CYP39A1: variants seen among roughly 807,000 people sequenced by gnomAD.
CYP39A1 encodes 24-hydroxycholesterol 7-alpha-hydroxylase.
A neutral mutation model predicts 58.1 loss-of-function variants in CYP39A1; 49 were observed. The ratio of observed to expected loss-of-function variants is 0.84; its 90% CI spans 0.67 to 1.07. The LOEUF (loss-of-function observed/expected upper bound fraction) is 1.07, where lower values mean the gene tolerates loss of function less well. Among genes scored for constraint, CYP39A1 ranks in the 50% least tolerant of loss-of-function variants. The probability of loss-of-function intolerance (pLI) is 0.00; values close to 1 mark genes in which losing one functional copy is unlikely to be tolerated. For missense variants in CYP39A1, 531 were observed against 539.4 expected, an observed-to-expected ratio of 0.98 and a Z score of 0.16; for synonymous variants, 209 against 187.6, an observed-to-expected ratio of 1.11 and a Z score of -0.93.
intron 11 of CYP39A1, among the ~76,000 whole-genome samples, chr6:46,551,066 A>G (rs1770370845): frequency 6.6e-6 from 1 of 152,138 alleles, no homozygotes; most frequent in Non-Finnish European, 1.5e-5. Flanking sequence ...TTAGGGGATT[A>G]AAAAAGAAAA....
chr6:46,650,512 T>TTTTTTTTTTG (rs1762618374), intron 1 of CYP39A1, among the ~76,000 whole-genome samples: 1 of 131,530 alleles, frequency 7.6e-6, no homozygotes, highest in Non-Finnish European at 1.6e-5. Context: ...TTTTTTTTTT[T>TTTTTTTTTTG]TTTTTTTAAG....
intron 6 of CYP39A1, among the ~76,000 whole-genome samples, chr6:46,629,016 G>T (rs906094522): frequency 6.6e-6 from 1 of 152,046 alleles, no homozygotes; most frequent in Non-Finnish European, 1.5e-5. Context: ...ACAGATAAGG[G>T]CACTGAGGCT....
intron 7 of CYP39A1, among the ~76,000 whole-genome samples, chr6:46,606,991 C>T (rs754589927): frequency 6.6e-6 from 1 of 152,168 alleles, no homozygotes; most frequent in Non-Finnish European, 1.5e-5. Context: ...ATTTATTCCT[C>T]ATAGATATCT....
At chr6:46,588,623 G>T (rs1273955656) in intron 8 of CYP39A1, among the ~76,000 whole-genome samples, 1 of 152,042 alleles carries the variant, frequency 6.6e-6, no homozygotes, top group Non-Finnish European at 1.5e-5. Context: ...GGCAGAGGAT[G>T]TCCTGTTCTT....
intron 2 of CYP39A1, 124 bp downstream of exon 2, chr6:46,642,039 C>A: frequency 9.2e-7 from 1 of 1,084,832 alleles, no homozygotes; most frequent in East Asian, 2.5e-5. Context: ...CTACCCATAC[C>A]TCAAGAATAA....
intron 10 of CYP39A1, among the ~76,000 whole-genome samples, chr6:46,557,642 T>TAA (rs1236468900): frequency 9.2e-6 from 1 of 108,710 alleles, no homozygotes; most frequent in South Asian, 2.8e-4. Flanking sequence ...AACTCTGTCT[T>TAA]TAAAAAAAAA....
At chr6:46,584,775 T>C (rs1772362849) in intron 10 of CYP39A1, among the ~76,000 whole-genome samples, 1 of 152,134 alleles carries the variant, frequency 6.6e-6, no homozygotes, top group Non-Finnish European at 1.5e-5. Context: ...CTCATTCTGT[T>C]GTCTCAAGCT....
chr6:46,642,952 C>T lies in CYP39A1; in HGVS notation c.178-654G>A, dbSNP rs759534663. 5.9e-5 allele frequency among the ~76,000 whole-genome samples: 9 copies of T among 152,284 alleles called. No homozygotes were observed. The South Asian group carries it at 6.2e-4, about 11-fold the overall frequency. ...CTCCATGCGTTCCCTCCTCTTAACA[C>T]GGATGGAGGTTCCTGCCCTTGTGAA... On this transcript the variant is annotated intron_variant, in intron 1 of 11. Transcript: ENST00000275016.
At chr6:46,588,269 A>G (rs984290762) in intron 8 of CYP39A1, 140 bp from the exon 9 acceptor site, 8 of 281,024 alleles carry the variant, frequency 2.8e-5, no homozygotes, top group Admixed American at 5.3e-5. Context: ...CTAATTTTTA[A>G]TATCTATATA....
Position 46,639,599 on chromosome 6 carries a change from C to T in CYP39A1, c.383G>A (p.Gly128Glu), listed in dbSNP as rs750128489. Residue 128 changes from glycine (G) to glutamate (E), a missense_variant, in exon 3 of 12, where the codon GGG becomes GAG. Transcript: ENST00000275016. ...KLYIMLKGKM[G>E]TVNLHQFTGQ... ...AGTAAACTGATGGAGATTGACAGTCCCCATTTTCCCTTTCAACATAATATA... is the reference window on the plus strand; with the variant it reads ...AGTAAACTGATGGAGATTGACAGTCTCCATTTTCCCTTTCAACATAATATA... 1.2e-6 allele frequency: 2 copies of T among 1,613,766 alleles called. No individual in the cohort carries two copies. Among genetic ancestry groups the T allele is most frequent in the Non-Finnish European group, 8.5e-7 (1 of 1,179,750 alleles).
At chr6:46,636,191 T>C (rs1437645768) in intron 5 of CYP39A1, among the ~76,000 whole-genome samples, 198 bp downstream of exon 5, 2 of 152,222 alleles carry the variant, frequency 1.3e-5, no homozygotes, top group African/African-American at 4.8e-5. Context: ...GGTTTTTTCT[T>C]ATGTGGAATA....
rs1003511808 is a variant in CYP39A1 at position 46,605,754 on chromosome 6, C to A, written c.932-9634G>T. On this transcript the variant is annotated intron_variant, in intron 7 of 11. Coordinates refer to ENST00000275016, the MANE Select transcript of CYP39A1 (RefSeq NM_016593.5). The stretch of plus-strand genomic sequence containing the variant: ...ATTTTAAAAACCAAGGTGGTTCCAG[C>A]AAGCTAGGGCCCTTCACAAATGGAC... 8.5e-5 allele frequency among the ~76,000 whole-genome samples: 13 copies of A among 152,154 alleles called. No individual in the cohort carries two copies. The East Asian group carries it at 2.5e-3, about 29-fold the overall frequency.
chr6:46,560,658 G>T (rs985875280), intron 10 of CYP39A1, among the ~76,000 whole-genome samples: 20 of 152,082 alleles, frequency 1.3e-4, no homozygotes, highest in Non-Finnish European at 2.1e-4. Context: ...GATTAGGAAG[G>T]ATTCATTCAG....
intron 10 of CYP39A1, among the ~76,000 whole-genome samples, chr6:46,567,996 TAAA>T (rs34700611): frequency 0.016 from 1,192 of 75,996 alleles, 19 homozygotes; most frequent in African/African-American, 0.098. Context: ...CATTTTTTTT[TAAA>T]AAAAAAACAG....
At chr6:46,556,884 T>G (rs541138173) in intron 10 of CYP39A1, among the ~76,000 whole-genome samples, 2 of 151,622 alleles carry the variant, frequency 1.3e-5, no homozygotes, top group South Asian at 4.2e-4. Flanking sequence ...ATGACCTCAA[T>G]CCAAGAGAAA....
chr6:46,623,328 T>C (rs1775091963), intron 7 of CYP39A1, among the ~76,000 whole-genome samples: 1 of 152,108 alleles, frequency 6.6e-6, no homozygotes, highest in Non-Finnish European at 1.5e-5. Context: ...TACTCAGGGT[T>C]CTCCAGAGAA....
Position 46,597,585 on chromosome 6 carries a change from G to T in CYP39A1, c.932-1465C>A, listed in dbSNP as rs74412574. 4.5e-4 allele frequency among the ~76,000 whole-genome samples: 69 copies of T among 152,208 alleles called. 1 individual carries two copies. In the East Asian group the frequency reaches 0.013, roughly 28 times the overall value. On this transcript the variant is annotated intron_variant, in intron 7 of 11. Transcript: ENST00000275016. ...GCAAATGGTCCAACTTCAACATAGGGAGGTGAATGGGTGGATATTTTAGGC... is the reference window on the plus strand; with the variant it reads ...GCAAATGGTCCAACTTCAACATAGGTAGGTGAATGGGTGGATATTTTAGGC...
chr6:46,581,363 T>A (rs1772123278), intron 10 of CYP39A1, among the ~76,000 whole-genome samples: 1 of 145,482 alleles, frequency 6.9e-6, no homozygotes, highest in Non-Finnish European at 1.5e-5. Context: ...TGAGCTATGA[T>A]CACGCCAGTG....
intron 10 of CYP39A1, among the ~76,000 whole-genome samples, chr6:46,581,973 G>A (rs1448572611): frequency 6.6e-6 from 1 of 152,166 alleles, no homozygotes; most frequent in Non-Finnish European, 1.5e-5. Flanking sequence ...AGTGAGAAGA[G>A]AGAAGCATGG....
Sources: allele counts gnomAD v4.1 joint callset (sites outside exome capture counted in the v4.1 genomes callset), GRCh38; gene constraint gnomAD v4.1.1; transcripts MANE v1.5; gene names NCBI Gene and HGNC (gene_info 2026-07-23, HGNC 2026-07-21).